Variants in CCNY observed in about 807,000 individuals in gnomAD.
CCNY encodes cyclin-Y.
A neutral mutation model predicts 42.8 loss-of-function variants in CCNY; 19 were observed. That is an observed-to-expected ratio of 0.44 (90% CI 0.31 to 0.65). The LOEUF (loss-of-function observed/expected upper bound fraction) is 0.65, where lower values mean the gene tolerates loss of function less well. Among genes scored for constraint, CCNY ranks in the 30% least tolerant of loss-of-function variants. The pLI is 0.07. For missense variants in CCNY, 370 were observed against 437.3 expected (o/e 0.85, Z 1.37); for synonymous variants, 165 against 162.7 (o/e 1.01, Z -0.11).
intron 1 of CCNY, among the ~76,000 whole-genome samples, chr10:35,353,599 C>T (rs371052936): frequency 1.6e-4 from 25 of 152,308 alleles, no homozygotes; most frequent in East Asian, 1.4e-3. Context: ...AGCTGCTCCT[C>T]GGCTCCCCAA....
chr10:35,502,838 C>T (rs1840137854), intron 3 of CCNY, among the ~76,000 whole-genome samples: 1 of 151,990 alleles, frequency 6.6e-6, no homozygotes, highest in Non-Finnish European at 1.5e-5. Context: ...ATTTCTTTGC[C>T]TGCTGGGTGC....
chr10:35,347,335 A>G (rs1836328338), intron 1 of CCNY: 1 of 399,518 alleles, frequency 2.5e-6, no homozygotes, highest in African/African-American at 2.2e-5. Context: ...CATCCGTGCC[A>G]GTTTGCTTTG....
In CCNY at chr10:35,525,954, A is replaced by C; in HGVS notation, c.366-10A>C. ...CATGGACACTGAACCTCTGCATTCT[A>C]TTTTTACAGTGTCGCTCTTGCAATA... is the stretch of plus-strand genomic sequence containing the variant. On this transcript the variant is annotated splice_polypyrimidine_tract_variant and intron_variant, in intron 4 of 9. Transcript: ENST00000374704. 6.2e-7 allele frequency: 1 copy of C among 1,611,570 alleles called. No individual in the cohort carries two copies. Among genetic ancestry groups the C allele is most frequent in the Non-Finnish European group, 8.5e-7 (1 of 1,179,218 alleles).
chr10:35,498,826 G>T (rs1044950154), intron 2 of CCNY, among the ~76,000 whole-genome samples: 2 of 152,190 alleles, frequency 1.3e-5, no homozygotes, highest in African/African-American at 4.8e-5. Flanking sequence ...AACCATACAG[G>T]AAAGTGGCAC....
chr10:35,341,127 C>G (rs929732451), intron 1 of CCNY, among the ~76,000 whole-genome samples: 1 of 152,234 alleles, frequency 6.6e-6, no homozygotes, highest in Non-Finnish European at 1.5e-5. Flanking sequence ...AAAAGCCTTA[C>G]AGTGGTCGCT....
At chr10:35,411,370 A>G (rs1273696830) in intron 1 of CCNY, among the ~76,000 whole-genome samples, 1 of 152,016 alleles carries the variant, frequency 6.6e-6, no homozygotes, top group Admixed American at 6.6e-5. Flanking sequence ...AAAATTAGCC[A>G]GGCATAGTGG....
chr10:35,388,793 C>T (rs527244939), intron 1 of CCNY, among the ~76,000 whole-genome samples: 17 of 152,278 alleles, frequency 1.1e-4, no homozygotes, highest in Non-Finnish European at 2.4e-4. Context: ...AAAGGGCTGG[C>T]AGTGCTGAGG....
intron 3 of CCNY, among the ~76,000 whole-genome samples, chr10:35,277,934 G>A (rs751467944): frequency 3.3e-4 from 50 of 152,262 alleles, no homozygotes; most frequent in Non-Finnish European, 5.7e-4. Context: ...AATGAGTTCA[G>A]CTTATCCTGA....
chr10:35,538,766 G>A (rs1055359945), intron 7 of CCNY, among the ~76,000 whole-genome samples: 3 of 152,040 alleles, frequency 2.0e-5, no homozygotes, highest in African/African-American at 7.2e-5. Flanking sequence ...TTTCTTTTTT[G>A]TAATGGTATC....
chr10:35,548,766 G>T (rs1841175370), intron 7 of CCNY, among the ~76,000 whole-genome samples: 1 of 152,092 alleles, frequency 6.6e-6, no homozygotes, highest in Non-Finnish European at 1.5e-5. Flanking sequence ...AGGAGAGGCA[G>T]GTGCATTCGG....
chr10:35,549,197 G>T (rs1438839433), intron 7 of CCNY, among the ~76,000 whole-genome samples: 1 of 151,622 alleles, frequency 6.6e-6, no homozygotes, highest in African/African-American at 2.4e-5. Flanking sequence ...TTTCTCAGGG[G>T]CTTCACAACT....
chr10:35,442,412 T>A (rs578196650), intron 1 of CCNY, among the ~76,000 whole-genome samples: 3 of 152,340 alleles, frequency 2.0e-5, no homozygotes, highest in African/African-American at 7.2e-5. Flanking sequence ...GTGGGAGAGA[T>A]GGCTTTATAA....
intron 5 of CCNY, among the ~76,000 whole-genome samples, chr10:35,529,069 G>A (rs979522360): frequency 5.3e-5 from 8 of 152,162 alleles, no homozygotes; most frequent in African/African-American, 1.2e-4. Context: ...AGAGCCCAGC[G>A]GCCCACGGTA....
chr10:35,363,029 G>A (rs1198658158), intron 1 of CCNY, among the ~76,000 whole-genome samples: 4 of 150,462 alleles, frequency 2.7e-5, no homozygotes, highest in Non-Finnish European at 4.4e-5. Context: ...GTGGTGGGCC[G>A]CCGGCGGCCG....
At chr10:35,465,938 A>AGAGAGAGAGAGAGTGTGTGTGTGTGT in intron 1 of CCNY, among the ~76,000 whole-genome samples, 1 of 80,960 alleles carries the variant, frequency 1.2e-5, no homozygotes, top group African/African-American at 4.4e-5. Flanking sequence ...AGAGAGAGAG[A>AGAGAGAGAGAGAGTGTGTGTGTGTGT]GTGTGTGTGT....
intron 2 of CCNY, among the ~76,000 whole-genome samples, chr10:35,487,642 A>G (rs959673785): frequency 1.3e-5 from 2 of 152,082 alleles, no homozygotes; most frequent in African/African-American, 4.8e-5. Flanking sequence ...TTCTTGTTCC[A>G]AGCAGGAGAC....
chr10:35,528,684 C>G (rs1363027288), intron 5 of CCNY, among the ~76,000 whole-genome samples: 1 of 152,142 alleles, frequency 6.6e-6, no homozygotes, highest in Non-Finnish European at 1.5e-5. Context: ...GAGATTGCAC[C>G]AGTGCACTCC....
chr10:35,470,267 G>A (rs571699429), intron 1 of CCNY, among the ~76,000 whole-genome samples: 1 of 151,454 alleles, frequency 6.6e-6, no homozygotes, highest in Admixed American at 6.6e-5. Flanking sequence ...ATGGAAAGAC[G>A]GACAGGCAGG....
At chr10:35,503,712 G>A (rs184897710) in intron 3 of CCNY, among the ~76,000 whole-genome samples, 2 of 152,276 alleles carry the variant, frequency 1.3e-5, no homozygotes, top group Admixed American at 6.5e-5. Context: ...GCCATGCTAG[G>A]TAGGCACAAT....
Sources: allele counts gnomAD v4.1 joint callset (sites outside exome capture counted in the v4.1 genomes callset), GRCh38; gene constraint gnomAD v4.1.1; transcripts MANE v1.5; gene names NCBI Gene and HGNC (gene_info 2026-07-23, HGNC 2026-07-21).